Variants in CEP104 observed in about 807,000 individuals in gnomAD.
CEP104 encodes the protein centrosomal protein of 104 kDa.
In CEP104, 84 loss-of-function variants were observed where a neutral mutation model predicts 113.3. The observed-to-expected ratio is 0.74, with a 90% confidence interval of 0.62 to 0.89. The LOEUF (loss-of-function observed/expected upper bound fraction) is 0.89, where lower values mean the gene tolerates loss of function less well. Among genes scored for constraint, CEP104 ranks in the 40% least tolerant of loss-of-function variants. The pLI, the probability that CEP104 is intolerant of heterozygous loss-of-function variation, is 0.00. For missense variants in CEP104, 1,053 were observed against 1,156.6 expected (o/e 0.91, Z 1.30); for synonymous variants, 378 against 421.7 (o/e 0.90, Z 1.27).
At position 3,825,795 on chromosome 1, in the gene CEP104, T is replaced by C. The variant is rs569132737; in HGVS notation, c.2327A>G (p.His776Arg). 1 of 1,614,044 alleles carries C rather than the reference T, an allele frequency of 6.2e-7. No homozygotes were observed. The highest frequency in any genetic ancestry group is 2.2e-5 in the East Asian group (1 of 44,890). The change falls in exon 18 of 22, where the codon CAC becomes CGC. Residue 776 changes from histidine to arginine, a missense_variant. Transcript: ENST00000378230. ...EEGLDLHYWK[H>R]CLMLTRCDHC... is the part of the protein sequence containing the mutation. Reference sequence around the variant, plus strand: ...GTCACATCTTGTCAGCATGAGACAGTGCTTCCAGTAGTGGAGATCCAGACC... The same window carrying C: ...GTCACATCTTGTCAGCATGAGACAGCGCTTCCAGTAGTGGAGATCCAGACC...
At chr1:3,821,544 A>G (rs1643972255) in intron 20 of CEP104, among the ~76,000 whole-genome samples, 1 of 152,200 alleles carries the variant, frequency 6.6e-6, no homozygotes, top group Admixed American at 6.5e-5. Flanking sequence ...TGAACGAAGG[A>G]GGGATGACAG....
intron 6 of CEP104, among the ~76,000 whole-genome samples, chr1:3,842,360 G>A (rs563289489): frequency 2.0e-5 from 3 of 152,362 alleles, no homozygotes; most frequent in South Asian, 2.1e-4. Context: ...GATTACAGGC[G>A]TGAGCCACCG....
intron 1 of CEP104, among the ~76,000 whole-genome samples, chr1:3,856,266 G>A (rs918265304): frequency 6.6e-6 from 1 of 151,956 alleles, no homozygotes; most frequent in African/African-American, 2.4e-5. Flanking sequence ...AAAATTAGTC[G>A]GGCTACTCGG....
intron 1 of CEP104, among the ~76,000 whole-genome samples, chr1:3,856,431 G>C (rs1006705020): frequency 2.6e-5 from 4 of 152,228 alleles, no homozygotes; most frequent in Non-Finnish European, 5.9e-5. Flanking sequence ...AAGGGCTTCA[G>C]AGAAATCTGA....
chr1:3,812,886 A>C lies in CEP104; in HGVS notation c.*2516T>G, dbSNP rs1236263360. On this transcript the variant is annotated 3_prime_UTR_variant, in exon 22 of 22. Coordinates refer to ENST00000378230, the MANE Select transcript of CEP104 (RefSeq NM_014704.4). ...ACAAAAACAAAAACAAAAAAACAAC[A>C]AAAAAACCCCCTGTAACTAACAAAA... 3.3e-5 allele frequency: 5 copies of C among 151,868 alleles called. No individual in the cohort carries two copies. Among genetic ancestry groups the C allele is most frequent in the African/African-American group, 1.2e-4 (5 of 41,342 alleles). The allele number at this position is 151,868 out of a possible 1,614,324, so 9.4% of individuals were successfully genotyped here. A position where few individuals can be genotyped will look rare whatever the true frequency, so the allele number is the denominator to read the frequency against.
intron 16 of CEP104, 81 bp from the exon 17 acceptor site, chr1:3,826,517 A>G: frequency 7.2e-7 from 1 of 1,382,676 alleles, no homozygotes; most frequent in South Asian, 1.2e-5. Context: ...TGTGAGCTCT[A>G]AAACGATTAT....
At chr1:3,826,817 G>A in intron 15 of CEP104, 73 bp from the exon 16 acceptor site, 2 of 1,453,498 alleles carry the variant, frequency 1.4e-6, no homozygotes, top group Non-Finnish European at 9.6e-7. Flanking sequence ...TTGAAGATAT[G>A]TTTTCATCAC....
Position 3,850,654 on chromosome 1 carries a change from C to T in CEP104, c.113+1641G>A, listed in dbSNP as rs116054121. 4.9e-3 allele frequency among the ~76,000 whole-genome samples: 740 copies of T among 152,258 alleles called. 8 individuals are homozygous for T. Among genetic ancestry groups the T allele is most frequent in the African/African-American group, 0.017 (701 of 41,536 alleles). ...TGCCTTGTACTGTCATTGGGAGGCTCGGCTTCAGGGTATCCTCCTTTGTCT... is the reference window on the plus strand; with the variant it reads ...TGCCTTGTACTGTCATTGGGAGGCTTGGCTTCAGGGTATCCTCCTTTGTCT... On this transcript the variant is annotated intron_variant, in intron 2 of 21. Coordinates refer to ENST00000378230, the MANE Select transcript of CEP104 (RefSeq NM_014704.4).
intron 3 of CEP104, 104 bp from the exon 4 acceptor site, chr1:3,847,717 T>C (rs1644534122): frequency 3.2e-6 from 4 of 1,267,308 alleles, no homozygotes. Flanking sequence ...TATTGTTTTA[T>C]TTTTTAAAGC....
At chr1:3,849,807 G>A (rs1331179773) in intron 2 of CEP104, among the ~76,000 whole-genome samples, 1 of 151,110 alleles carries the variant, frequency 6.6e-6, no homozygotes, top group African/African-American at 2.4e-5. Flanking sequence ...AGGACAATAA[G>A]TAATCCATTA....
At chr1:3,837,262 T>C in intron 9 of CEP104, 30 bp downstream of exon 9, 1 of 1,558,096 alleles carries the variant, frequency 6.4e-7, no homozygotes, top group Non-Finnish European at 8.8e-7. Flanking sequence ...CCAAATAAAT[T>C]GAACGCCAAT....
At chr1:3,825,690 A>G (rs1364480205) in intron 18 of CEP104, 68 bp downstream of exon 18, 4 of 1,009,470 alleles carry the variant, frequency 4.0e-6, no homozygotes, top group Admixed American at 1.8e-5. Flanking sequence ...CAGCTTTTTG[A>G]CTCGGCCTTT....
At position 3,826,353 on chromosome 1, in the gene CEP104, A is replaced by G. The variant is rs1315319063; in HGVS notation, c.2255+17T>C. The G allele has an allele frequency of 3.1e-6, 5 of 1,612,078 alleles. No homozygotes were observed. Among genetic ancestry groups the G allele is most frequent in the Non-Finnish European group, 4.2e-6 (5 of 1,178,422 alleles). ...GCCCTGACCATCGTACAATGGGTGGAAGACAGCGCGACTTACTTATCTAGA... is the reference window on the plus strand; with the variant it reads ...GCCCTGACCATCGTACAATGGGTGGGAGACAGCGCGACTTACTTATCTAGA... On this transcript the variant is annotated intron_variant, in intron 17 of 21. Transcript: ENST00000378230.
At chr1:3,847,155 TATC>T (rs1295306873) in intron 4 of CEP104, among the ~76,000 whole-genome samples, 2 of 152,254 alleles carry the variant, frequency 1.3e-5, no homozygotes, top group African/African-American at 2.4e-5. Context: ...TCCAAAATAT[TATC>T]ATTTCATCAC....
At chr1:3,844,080 G>A (rs1275720369) in intron 6 of CEP104, among the ~76,000 whole-genome samples, 2 of 152,234 alleles carry the variant, frequency 1.3e-5, no homozygotes, top group East Asian at 1.9e-4. Context: ...TTTTAAAAAC[G>A]TATGTGATAC....
rs1287098965 is a variant in CEP104 at position 3,837,347 on chromosome 1, T to A, written c.1064A>T (p.Gln355Leu). Reference protein sequence around the residue: ...PSSYSLTISPQHSAVDPLLPA... With the variant: ...PSSYSLTISPLHSAVDPLLPA... ...GAGTAACGGGTCTACTGCAGAATGC[T>A]GAGGAGAAATAGTTAGAGAATATGA... is the stretch of plus-strand genomic sequence containing the variant. Residue 355 changes from glutamine to leucine, a missense_variant, in exon 9 of 22, where the codon CAG becomes CTG. Transcript: ENST00000378230. 6.2e-7 allele frequency: 1 copy of A among 1,614,194 alleles called. No homozygotes were observed. Among genetic ancestry groups the A allele is most frequent in the Non-Finnish European group, 8.5e-7 (1 of 1,180,012 alleles).
chr1:3,836,491 T>A lies in CEP104; in HGVS notation c.1317+4A>T. The A allele has an allele frequency of 6.4e-7, 1 of 1,557,710 alleles. No individual in the cohort carries two copies. The highest frequency in any genetic ancestry group is 1.4e-5 in the African/African-American group (1 of 70,656). On this transcript the variant is annotated splice_donor_region_variant and intron_variant, in intron 10 of 21. Coordinates refer to ENST00000378230, the MANE Select transcript of CEP104 (RefSeq NM_014704.4). ...CCGTTTTTTTTTTTTTTTTTTTTTT[T>A]TACCAAGGTTTCTCCCAACACATCG...
At position 3,816,287 on chromosome 1, in the gene CEP104, C is replaced by T. The variant is rs531612113; in HGVS notation, c.2655G>A (p.Leu885=). 7.7e-6 allele frequency: 12 copies of T among 1,551,892 alleles called. No homozygotes were observed. In the South Asian group the frequency reaches 1.1e-4, roughly 14 times the overall value. The change falls in exon 21 of 22, where the codon CTG becomes CTA. Residue 885 remains leucine, a synonymous_variant. Coordinates refer to ENST00000378230, the MANE Select transcript of CEP104 (RefSeq NM_014704.4). ...AGCGGCGCTGTCCCTCACCTGGCTG[C>T]AGTGCCGGGGCCTTCTGCAGAATGT... ...KTHILQKAPA[L]QPGKSSAVAA...
At chr1:3,844,156 T>C (rs764857136) in intron 6 of CEP104, among the ~76,000 whole-genome samples, 5 of 152,236 alleles carry the variant, frequency 3.3e-5, no homozygotes, top group Non-Finnish European at 7.3e-5. Context: ...CTAGAACTGA[T>C]AACCTGGGTC....
Sources: allele counts gnomAD v4.1 joint callset (sites outside exome capture counted in the v4.1 genomes callset), GRCh38; gene constraint gnomAD v4.1.1; transcripts MANE v1.5; gene names NCBI Gene and HGNC (gene_info 2026-07-23, HGNC 2026-07-21).